CUBN: variants seen among roughly 807,000 people sequenced by gnomAD.
CUBN encodes cubilin, also known as 460 kDa receptor.
Under a neutral mutation model 405.3 loss-of-function variants are expected in CUBN, and 282 were observed. The observed-to-expected ratio is 0.70, with a 90% confidence interval of 0.63 to 0.77. CUBN has a LOEUF of 0.77. Among genes scored for constraint, CUBN ranks in the 30% least tolerant of loss-of-function variants. The pLI is 0.00. For missense variants in CUBN, 4,514 were observed against 4,475.2 expected, an observed-to-expected ratio of 1.01 and a Z score of -0.25; for synonymous variants, 1,684 against 1,617.0, an observed-to-expected ratio of 1.04 and a Z score of -0.99.
At chr10:17,083,883 C>T (rs755939458) in intron 17 of CUBN, among the ~76,000 whole-genome samples, 1 of 152,096 alleles carries the variant, frequency 6.6e-6, no homozygotes, top group Non-Finnish European at 1.5e-5. Context: ...TCATTACCCA[C>T]ACTTAAATCA....
At chr10:16,935,211 G>T (rs1159570846) in intron 39 of CUBN, among the ~76,000 whole-genome samples, 1 of 152,104 alleles carries the variant, frequency 6.6e-6, no homozygotes, top group Non-Finnish European at 1.5e-5. Flanking sequence ...TCACTGGAGT[G>T]CAGTGTCATG....
chr10:17,078,289 G>T (rs569876875), intron 17 of CUBN, among the ~76,000 whole-genome samples: 10 of 152,204 alleles, frequency 6.6e-5, no homozygotes, highest in African/African-American at 2.2e-4. Context: ...CAGCCACCCT[G>T]GTCTATTTCC....
At chr10:16,831,044 G>A (rs958366344) in intron 65 of CUBN, among the ~76,000 whole-genome samples, 7 of 151,560 alleles carry the variant, frequency 4.6e-5, no homozygotes, top group Non-Finnish European at 1.0e-4. Flanking sequence ...CTAAGATCAC[G>A]CCACTACACT....
At chr10:16,832,092 C>G (rs991042622) in intron 64 of CUBN, among the ~76,000 whole-genome samples, 10 of 150,954 alleles carry the variant, frequency 6.6e-5, no homozygotes, top group African/African-American at 1.9e-4. Flanking sequence ...GGAGATGAGC[C>G]TGTGTTTTAT....
chr10:17,019,690 A>T, intron 28 of CUBN, 143 bp downstream of exon 28: 1 of 946,714 alleles, frequency 1.1e-6, no homozygotes, highest in Non-Finnish European at 1.7e-6. Context: ...ATATCTAAGT[A>T]TATTTCTTAA....
intron 31 of CUBN, among the ~76,000 whole-genome samples, chr10:16,974,992 A>T (rs916172496): frequency 2.0e-5 from 3 of 152,184 alleles, no homozygotes. Context: ...GTTAATGGTA[A>T]GCCTTCTGTC....
intron 6 of CUBN, among the ~76,000 whole-genome samples, chr10:17,115,950 C>T (rs758299557): frequency 6.6e-6 from 1 of 152,172 alleles, no homozygotes; most frequent in Non-Finnish European, 1.5e-5. Context: ...ATCAGCAAAT[C>T]CATTCATCAT....
intron 56 of CUBN, 132 bp downstream of exon 56, chr10:16,888,285 G>C: frequency 1.3e-6 from 1 of 747,708 alleles, no homozygotes; most frequent in Non-Finnish European, 2.3e-6. Context: ...AAGTAAGTGA[G>C]TGAGCAGACA....
intron 60 of CUBN, among the ~76,000 whole-genome samples, chr10:16,844,256 C>T (rs189922981): frequency 1.8e-4 from 23 of 126,578 alleles, no homozygotes; most frequent in Non-Finnish European, 2.6e-4. Flanking sequence ...GCGACAAGAG[C>T]GAAACTCTGT....
In CUBN at chr10:17,123,292, T is replaced by C. The variant is rs1241613009; in HGVS notation, c.489+296A>G. 1.0e-5 allele frequency: 5 copies of C among 486,632 alleles called. No homozygotes were observed. In the East Asian group the frequency reaches 1.1e-4, roughly 11 times the overall value. 30.1% of individuals were successfully genotyped at this position (486,632 alleles called of 1,614,324 possible). A position where few individuals can be genotyped will look rare whatever the true frequency, so the allele number is the denominator to read the frequency against. ...AAATTTGCATAGGTATGTCAAGATTTGTTTGGTACTTTCCAATGCTGAACA... is the reference window on the plus strand; with the variant it reads ...AAATTTGCATAGGTATGTCAAGATTCGTTTGGTACTTTCCAATGCTGAACA... On this transcript the variant is annotated intron_variant, in intron 5 of 66. Transcript: ENST00000377833.
chr10:16,884,931 A>T (rs890052007), intron 56 of CUBN, among the ~76,000 whole-genome samples: 6 of 152,142 alleles, frequency 3.9e-5, no homozygotes, highest in African/African-American at 1.4e-4. Flanking sequence ...ATGCTTAGCC[A>T]TTTGAACAGA....
In CUBN at chr10:16,990,386, A is replaced by T; in HGVS notation, c.4298T>A (p.Ile1433Asn). The T allele has an allele frequency of 6.2e-7, 1 of 1,614,212 alleles. No homozygotes were observed. Among genetic ancestry groups the T allele is most frequent in the Non-Finnish European group, 8.5e-7 (1 of 1,180,032 alleles). The stretch of plus-strand genomic sequence containing the variant: ...ATGATACTCCACATCGAAGTCATGG[A>T]TGGTGAGCTGAATGCTACTCCCGGG... ...TDPGSSIQLT[I>N]HDFDVEYHSR... Residue 1433 changes from isoleucine to asparagine, a missense_variant, in exon 29 of 67, where the codon ATC becomes AAC. Ile to Asn is a moderately radical substitution (Grantham distance 149). Around this residue, in one of 5 missense-constraint regions of CUBN, gnomAD observed 1,613 missense variants for 1,542.8 expected, o/e 1.05. Coordinates refer to ENST00000377833, the MANE Select transcript of CUBN (RefSeq NM_001081.4).
At chr10:17,000,569 G>A (rs1006822572) in intron 28 of CUBN, among the ~76,000 whole-genome samples, 8 of 152,084 alleles carry the variant, frequency 5.3e-5, no homozygotes, top group Admixed American at 1.3e-4. Context: ...TTATTATTAC[G>A]GGAATTTATA....
intron 60 of CUBN, among the ~76,000 whole-genome samples, chr10:16,844,483 G>C (rs1839452572): frequency 6.6e-6 from 1 of 152,152 alleles, no homozygotes; most frequent in Non-Finnish European, 1.5e-5. Context: ...TTCATCCAAG[G>C]AGTCTGGATC....
At chr10:17,031,225 A>T (rs924571768) in intron 27 of CUBN, among the ~76,000 whole-genome samples, 2 of 152,206 alleles carry the variant, frequency 1.3e-5, no homozygotes, top group Admixed American at 6.5e-5. Context: ...TGAGAAATGA[A>T]TCATTAATTA....
rs1401040930 is a variant in CUBN at position 16,824,509 on chromosome 10, A to T, written c.*466T>A. 5.9e-6 allele frequency: 1 copy of T among 169,382 alleles called. No individual in the cohort carries two copies. The highest frequency in any genetic ancestry group is 1.4e-4 in the South Asian group (1 of 7,264). 10.5% of individuals were successfully genotyped at this position (169,382 alleles called of 1,614,324 possible). A position where few individuals can be genotyped will look rare whatever the true frequency, so the allele number is the denominator to read the frequency against. ...TGTTCGAGAAAATGTACAAATATTGATTCTGGTTTTTTTTGTTTCTTTTTT... is the reference window on the plus strand; with the variant it reads ...TGTTCGAGAAAATGTACAAATATTGTTTCTGGTTTTTTTTGTTTCTTTTTT... On this transcript the variant is annotated 3_prime_UTR_variant, in exon 67 of 67. Transcript: ENST00000377833.
intron 60 of CUBN, among the ~76,000 whole-genome samples, chr10:16,846,858 T>C (rs1233823592): frequency 6.9e-6 from 1 of 144,432 alleles, no homozygotes; most frequent in Non-Finnish European, 1.5e-5. Flanking sequence ...GGGGCACGGA[T>C]GGGGTTGAGG....
rs1020515482 is a variant in CUBN at position 16,952,520 on chromosome 10, C to T, written c.4856-131G>A. The T allele has an allele frequency of 8.8e-6, 6 of 680,648 alleles. No individual in the cohort carries two copies. The African/African-American group carries it at 1.1e-4, about 12-fold the overall frequency. The allele number at this position is 680,648 out of a possible 1,614,324, so 42.2% of individuals were successfully genotyped here. On this transcript the variant is annotated intron_variant, in intron 32 of 66. Transcript: ENST00000377833. The stretch of plus-strand genomic sequence containing the variant: ...TTCTAAAATGCACGCCAAGAAAGTT[C>T]TCCATAAGGAGAGCTGTACATAAAC...
chr10:16,865,798 C>T (rs566698680), intron 59 of CUBN, among the ~76,000 whole-genome samples: 2 of 152,252 alleles, frequency 1.3e-5, no homozygotes, highest in South Asian at 4.2e-4. Context: ...CTCGGGTACC[C>T]TTCCACGCTG....
Sources: gnomAD v4.1 joint callset for allele counts (sites outside exome capture counted in the v4.1 genomes callset) on GRCh38, gnomAD v4.1.1 for gene constraint, gnomAD v4.1.1 regional missense constraint, MANE v1.5 for transcripts, NCBI Gene and HGNC (gene_info 2026-07-23, HGNC 2026-07-21) for gene names.